ZPBP: variants seen among roughly 807,000 people sequenced by gnomAD.
ZPBP encodes the protein zona pellucida-binding protein 1.
In ZPBP, 26 loss-of-function variants were observed where a neutral mutation model predicts 44.8. That is an observed-to-expected ratio of 0.58 (90% confidence interval 0.43 to 0.81). The LOEUF (loss-of-function observed/expected upper bound fraction) is 0.81. Ranked by LOEUF, ZPBP falls within the 30% of genes least tolerant of loss-of-function variation. The probability of loss-of-function intolerance (pLI) is 0.00; values close to 1 mark genes in which losing one functional copy is unlikely to be tolerated. For synonymous variants in ZPBP, 174 were observed against 153.2 expected (o/e 1.14, Z -1.00); for missense variants, 409 against 434.0 (o/e 0.94, Z 0.51).
chr7:50,068,073 A>C (rs73340145), intron 3 of ZPBP, among the ~76,000 whole-genome samples: 2,441 of 151,684 alleles, frequency 0.016, 76 homozygotes, highest in African/African-American at 0.056. Flanking sequence ...GGCTTCTTTG[A>C]TTTTTTTTTA....
Position 50,031,321 on chromosome 7 carries a change from T to A in ZPBP, c.488-11A>T, listed in dbSNP as rs747622748. ...GAGGCTCACGATAAGCTGTAAAAAA[T>A]TAACAAGAGAAAGACACAAAAATGG... On this transcript the variant is annotated splice_polypyrimidine_tract_variant and intron_variant, in intron 4 of 7. Coordinates refer to ENST00000046087, the MANE Select transcript of ZPBP (RefSeq NM_007009.3). The A allele has an allele frequency of 6.2e-7, 1 of 1,601,346 alleles. No homozygotes were observed. Among genetic ancestry groups the A allele is most frequent in the Non-Finnish European group, 8.5e-7 (1 of 1,173,736 alleles).
intron 2 of ZPBP, 95 bp from the exon 3 acceptor site, chr7:50,081,994 T>G: frequency 7.1e-7 from 1 of 1,407,308 alleles, no homozygotes; most frequent in Non-Finnish European, 9.8e-7. Flanking sequence ...CATGCAATAA[T>G]AAGAGTACTT....
downstream of ZPBP, among the ~76,000 whole-genome samples, chr7:49,936,410 G>A (rs1562785542): frequency 6.6e-6 from 1 of 152,150 alleles, no homozygotes; most frequent in Non-Finnish European, 1.5e-5. Flanking sequence ...ACATAGCATG[G>A]AAAAATGAGA....
chr7:49,877,481 A>AAAAAATATACATATATATATATAT, intron 2 of ZPBP, among the ~76,000 whole-genome samples: 187 of 12,724 alleles, frequency 0.015, 63 homozygotes, highest in Non-Finnish European at 0.022. Context: ...AAAAAAAAAA[A>AAAAAATATACATATATATATATAT]ATATATATAT....
intron 2 of ZPBP, among the ~76,000 whole-genome samples, chr7:50,085,018 G>T (rs1325301139): frequency 6.6e-6 from 1 of 152,036 alleles, no homozygotes; most frequent in African/African-American, 2.4e-5. Context: ...ATATGTTGAA[G>T]TCCTAATCTC....
intron 7 of ZPBP, among the ~76,000 whole-genome samples, chr7:49,947,977 T>C (rs1007085653): frequency 3.3e-5 from 5 of 152,216 alleles, no homozygotes; most frequent in African/African-American, 1.2e-4. Context: ...TGACCATCAT[T>C]GCCCCAGGCC....
At chr7:50,077,809 C>T (rs1277508778) in intron 3 of ZPBP, among the ~76,000 whole-genome samples, 1 of 151,844 alleles carries the variant, frequency 6.6e-6, no homozygotes, top group African/African-American at 2.4e-5. Context: ...TAAACTAGTA[C>T]AACCATTATG....
intron 1 of ZPBP, among the ~76,000 whole-genome samples, chr7:49,902,548 C>T (rs527605706): frequency 2.2e-4 from 30 of 133,546 alleles, no homozygotes; most frequent in Non-Finnish European, 4.1e-4. Context: ...ATTGGATATC[C>T]GTAGCCAAAA....
chr7:50,082,541 A>G, intron 2 of ZPBP, among the ~76,000 whole-genome samples: 1 of 151,824 alleles, frequency 6.6e-6, no homozygotes, highest in East Asian at 1.9e-4. Context: ...ACTTTTAGGA[A>G]AGGTTGCAAC....
intron 4 of ZPBP, among the ~76,000 whole-genome samples, chr7:50,038,907 T>C (rs535309228): frequency 6.6e-6 from 1 of 152,298 alleles, no homozygotes; most frequent in Admixed American, 6.5e-5. Context: ...AGCTATACCA[T>C]CTAGGTTTGT....
intron 6 of ZPBP, among the ~76,000 whole-genome samples, chr7:50,001,560 C>T (rs758296492): frequency 1.5e-4 from 23 of 152,060 alleles, no homozygotes; most frequent in Non-Finnish European, 2.8e-4. Context: ...GAATGAGTAA[C>T]AGGGACAGCC....
At chr7:49,891,680 G>A (rs1020218331) in intron 2 of ZPBP, among the ~76,000 whole-genome samples, 2 of 152,120 alleles carry the variant, frequency 1.3e-5, no homozygotes, top group African/African-American at 2.4e-5. Flanking sequence ...TACTGATTCT[G>A]ATGTAATCAC....
intron 2 of ZPBP, among the ~76,000 whole-genome samples, chr7:49,888,032 C>A (rs1011071713): frequency 2.0e-5 from 3 of 152,228 alleles, no homozygotes; most frequent in African/African-American, 7.2e-5. Flanking sequence ...TTGCTAGAGG[C>A]AGGCTCATAC....
intron 3 of ZPBP, among the ~76,000 whole-genome samples, chr7:50,074,377 G>C (rs182975575): frequency 2.5e-4 from 38 of 151,840 alleles, no homozygotes; most frequent in Non-Finnish European, 4.4e-4. Context: ...AGAAGGAAGA[G>C]AAAACCAGAA....
chr7:49,877,469 A>AAAAAAAAAT (rs1334518126), intron 2 of ZPBP, among the ~76,000 whole-genome samples: 1 of 16,316 alleles, frequency 6.1e-5, no homozygotes, highest in Non-Finnish European at 1.1e-4. Context: ...TCTCAAAAAA[A>AAAAAAAAAT]AAAAAAAAAA....
chr7:49,975,468 C>A (rs78001019), intron 7 of ZPBP, among the ~76,000 whole-genome samples: 1 of 152,256 alleles, frequency 6.6e-6, no homozygotes, highest in African/African-American at 2.4e-5. Context: ...ATGGGTATCA[C>A]AGAGACACTC....
chr7:49,974,727 C>A (rs1796429123), intron 7 of ZPBP, among the ~76,000 whole-genome samples: 1 of 152,146 alleles, frequency 6.6e-6, no homozygotes, highest in Non-Finnish European at 1.5e-5. Flanking sequence ...AGTTCATCAT[C>A]TGATGTTGAA....
chr7:50,075,542 C>A (rs1397244309), intron 3 of ZPBP, among the ~76,000 whole-genome samples: 4 of 151,308 alleles, frequency 2.6e-5, no homozygotes, highest in Non-Finnish European at 5.9e-5. Flanking sequence ...AGAGAAGATC[C>A]AAATAAAGTC....
chr7:49,925,508 A>G (rs989628377), intron 1 of ZPBP, among the ~76,000 whole-genome samples: 5 of 152,182 alleles, frequency 3.3e-5, no homozygotes, highest in Non-Finnish European at 4.4e-5. Context: ...TGCTCCCTCC[A>G]TATGTCTATG....
Sources: gnomAD v4.1 joint callset for allele counts (sites outside exome capture counted in the v4.1 genomes callset) on GRCh38, gnomAD v4.1.1 for gene constraint, MANE v1.5 for transcripts, NCBI Gene and HGNC (gene_info 2026-07-23, HGNC 2026-07-21) for gene names.